ADAMTS17: variants seen among roughly 807,000 people sequenced by gnomAD.
ADAMTS17 encodes A disintegrin and metalloproteinase with thrombospondin motifs 17.
A neutral mutation model predicts 141.5 loss-of-function variants in ADAMTS17; 113 were observed. That is an observed-to-expected ratio of 0.80 (90% CI 0.69 to 0.93). The LOEUF (loss-of-function observed/expected upper bound fraction) is 0.93, where lower values mean the gene tolerates loss of function less well. Ranked by LOEUF, ADAMTS17 falls within the 40% of genes least tolerant of loss-of-function variation. ADAMTS17 has a pLI of 0.00. For synonymous variants in ADAMTS17, 768 were observed against 630.6 expected (o/e 1.22, Z -3.27); for missense variants, 1,659 against 1,517.9 (o/e 1.09, Z -1.54).
chr15:100,138,492 T>C (rs1378462173), intron 10 of ADAMTS17, among the ~76,000 whole-genome samples: 3 of 152,198 alleles, frequency 2.0e-5, no homozygotes, highest in Non-Finnish European at 4.4e-5. Flanking sequence ...AAATGAAATA[T>C]ATAATTGTTG....
intron 15 of ADAMTS17, among the ~76,000 whole-genome samples, chr15:100,063,380 C>A (rs2033268339): frequency 6.6e-6 from 1 of 152,220 alleles, no homozygotes; most frequent in South Asian, 2.1e-4. Context: ...CTTTGGGGGA[C>A]TGGTAACCTG....
At chr15:100,140,049 G>A (rs2038545542) in intron 10 of ADAMTS17, among the ~76,000 whole-genome samples, 2 of 152,134 alleles carry the variant, frequency 1.3e-5, no homozygotes, top group South Asian at 4.2e-4. Context: ...AGGCTGGAGT[G>A]CAGTGGTGCA....
intron 15 of ADAMTS17, among the ~76,000 whole-genome samples, chr15:100,089,825 A>C (rs1052117510): frequency 1.8e-5 from 2 of 110,092 alleles, no homozygotes. Flanking sequence ...CACACTGGGG[A>C]CTGTTGTGGG....
chr15:100,144,692 T>TTC (rs1011036327), intron 10 of ADAMTS17, among the ~76,000 whole-genome samples: 6 of 152,034 alleles, frequency 3.9e-5, no homozygotes, highest in African/African-American at 1.4e-4. Flanking sequence ...TATAATCTCT[T>TTC]TCCTATCCTG....
At chr15:100,194,503 C>T (rs997701552) in intron 8 of ADAMTS17, among the ~76,000 whole-genome samples, 3 of 152,222 alleles carry the variant, frequency 2.0e-5, no homozygotes, top group East Asian at 1.9e-4. Context: ...CTTAAAGTCA[C>T]ACTAAAGTTA....
In ADAMTS17 at chr15:100,112,073, T is replaced by G. The variant is rs572857084; in HGVS notation, c.1889-2957A>C. 9.8e-5 allele frequency among the ~76,000 whole-genome samples: 15 copies of G among 152,340 alleles called. No homozygotes were observed. The East Asian group carries it at 2.9e-3, about 29-fold the overall frequency. ...ATTCGAGTAGAAGTGGAAGTGGGAC[T>G]TGGGTAGAAAAGCAGAGGCTGTTTT... On this transcript the variant is annotated intron_variant, in intron 13 of 21. Transcript: ENST00000268070.
At chr15:100,229,761 G>C (rs572267915) in intron 7 of ADAMTS17, among the ~76,000 whole-genome samples, 2 of 152,284 alleles carry the variant, frequency 1.3e-5, no homozygotes, top group Non-Finnish European at 2.9e-5. Flanking sequence ...CCCTCTCCCT[G>C]ACCAAATGCA....
chr15:100,090,876 T>C (rs1320968949), intron 15 of ADAMTS17, among the ~76,000 whole-genome samples: 1 of 151,508 alleles, frequency 6.6e-6, no homozygotes, highest in Non-Finnish European at 1.5e-5. Flanking sequence ...GGTTTGGTGG[T>C]GCATGCCAGT....
chr15:100,090,172 A>G (rs2035366606), intron 15 of ADAMTS17, among the ~76,000 whole-genome samples: 1 of 152,166 alleles, frequency 6.6e-6, no homozygotes, highest in Non-Finnish European at 1.5e-5. Context: ...GGGAGTTTCA[A>G]CTGTGATTGG....
intron 8 of ADAMTS17, among the ~76,000 whole-genome samples, chr15:100,183,340 A>AT (rs1197888206): frequency 5.9e-5 from 9 of 151,940 alleles, no homozygotes; most frequent in South Asian, 2.1e-4. Flanking sequence ...GGCCCAGCTC[A>AT]TTTTTTTTCC....
chr15:99,973,842 A>C lies in ADAMTS17; in HGVS notation c.*560T>G. 1 of 187,014 alleles carries C rather than the reference A, an allele frequency of 5.3e-6. No homozygotes were observed. The highest frequency in any genetic ancestry group is 1.4e-4 in the East Asian group (1 of 7,286). The allele number at this position is 187,014 out of a possible 1,614,324, so 11.6% of individuals were successfully genotyped here. ...GGATTTAGAGACTATGTTCTCAGAG[A>C]CGGGCATGGAGGCAACGTCCTGGTT... On this transcript the variant is annotated 3_prime_UTR_variant, in exon 22 of 22. Coordinates refer to ENST00000268070, the MANE Select transcript of ADAMTS17 (RefSeq NM_139057.4).
Position 100,331,013 on chromosome 15 carries a change from C to G in ADAMTS17, c.492G>C (p.Gln164His). ...ATGGGCCCTGGGAGTTGTTGAGGGG[C>G]TGGATTAGCACCTGCTCCTGCCCAA... ...IQLGQEQVLI[Q>H]PLNNSQGPFS... Residue 164 changes from glutamine to histidine, a missense_variant, in exon 3 of 22, where the codon CAG becomes CAC. Transcript: ENST00000268070. 1 of 1,614,130 alleles carries G rather than the reference C, an allele frequency of 6.2e-7. No individual in the cohort carries two copies. The highest frequency in any genetic ancestry group is 1.3e-5 in the African/African-American group (1 of 75,024).
intron 21 of ADAMTS17, 26 bp downstream of exon 21, chr15:99,976,019 G>A (rs555626903): frequency 6.5e-7 from 1 of 1,542,400 alleles, no homozygotes; most frequent in South Asian, 1.2e-5. Flanking sequence ...AGCCCCCTGG[G>A]AACCGGGGCC....
intron 14 of ADAMTS17, among the ~76,000 whole-genome samples, chr15:100,099,530 T>G (rs2035968689): frequency 6.6e-6 from 1 of 152,186 alleles, no homozygotes; most frequent in South Asian, 2.1e-4. Flanking sequence ...CTCCAGGCAA[T>G]AAACTCTCTC....
Position 100,162,430 on chromosome 15 carries a change from TTATATATACA to T in ADAMTS17, c.1182-7120_1182-7111del, listed in dbSNP as rs1567284318. ...TATATGTGTATATATAACTATATAG[TTATATATACA>T]CATATAGTTATATATATGCACATAT... On this transcript the variant is annotated intron_variant, in intron 8 of 21. Transcript: ENST00000268070. 1.3e-3 allele frequency among the ~76,000 whole-genome samples: 184 copies of T among 144,456 alleles called. 2 individuals carry two copies. Among genetic ancestry groups the T allele is most frequent in the African/African-American group, 3.9e-3 (152 of 39,432 alleles). 94.8% of individuals were successfully genotyped at this position (144,456 alleles called of 152,430 possible). A position where few individuals can be genotyped will look rare whatever the true frequency, so the allele number is the denominator to read the frequency against.
At chr15:100,161,022 A>T (rs1010896261) in intron 8 of ADAMTS17, among the ~76,000 whole-genome samples, 11 of 152,360 alleles carry the variant, frequency 7.2e-5, no homozygotes, top group African/African-American at 2.4e-4. Context: ...GGCATTAAGT[A>T]TGCCCAGTAA....
intron 8 of ADAMTS17, among the ~76,000 whole-genome samples, chr15:100,197,021 A>T (rs1047249931): frequency 1.3e-5 from 2 of 152,234 alleles, no homozygotes; most frequent in Non-Finnish European, 2.9e-5. Context: ...TCCTCCAAGA[A>T]ATTCTACACA....
Position 100,198,958 on chromosome 15 carries a change from T to C in ADAMTS17, c.1181+360A>G, listed in dbSNP as rs568276174. 4.1e-4 allele frequency among the ~76,000 whole-genome samples: 62 copies of C among 152,306 alleles called. 2 individuals carry two copies. In the Middle Eastern group the frequency reaches 0.014, roughly 33 times the overall value. ...AGAAAAAGACATGGAAAGTCAACAG[T>C]ATAAAGATGCATCCCATTATGTGAA... is the stretch of plus-strand genomic sequence containing the variant. On this transcript the variant is annotated intron_variant, in intron 8 of 21. Coordinates refer to ENST00000268070, the MANE Select transcript of ADAMTS17 (RefSeq NM_139057.4).
chr15:100,207,942 G>C (rs780357725), intron 7 of ADAMTS17, among the ~76,000 whole-genome samples: 1 of 152,164 alleles, frequency 6.6e-6, no homozygotes, highest in Admixed American at 6.5e-5. Flanking sequence ...CTCAAACACA[G>C]CCTTGGAGGG....
Sources: allele counts gnomAD v4.1 joint callset (sites outside exome capture counted in the v4.1 genomes callset), GRCh38; gene constraint gnomAD v4.1.1; transcripts MANE v1.5; gene names NCBI Gene and HGNC (gene_info 2026-07-23, HGNC 2026-07-21).